Variants in VPS13B observed in about 807,000 individuals in gnomAD.
VPS13B encodes vacuolar protein sorting 13 homolog B.
A neutral mutation model predicts 426.4 loss-of-function variants in VPS13B; 285 were observed. The ratio of observed to expected loss-of-function variants is 0.67; its 90% confidence interval spans 0.61 to 0.74. The LOEUF (loss-of-function observed/expected upper bound fraction) is 0.74, where lower values mean the gene tolerates loss of function less well. Among genes scored for constraint, VPS13B ranks in the 30% least tolerant of loss-of-function variants. The pLI is 0.00. For missense variants in VPS13B, 4,537 were observed against 4,782.6 expected (o/e 0.95, Z 1.51); for synonymous variants, 1,676 against 1,676.4 (o/e 1.00, Z 0.01).
At chr8:99,875,043 A>C (rs1817626608) in intron 61 of VPS13B, 1 of 319,874 alleles carries the variant, frequency 3.1e-6, no homozygotes, top group African/African-American at 2.2e-5. Flanking sequence ...TTAATGTTGA[A>C]TAGATGATTT....
intron 30 of VPS13B, among the ~76,000 whole-genome samples, chr8:99,550,372 T>G (rs1304551591): frequency 6.6e-6 from 1 of 151,274 alleles, no homozygotes; most frequent in East Asian, 1.9e-4. Context: ...AGAAATATCT[T>G]CTAGGGACAG....
At chr8:99,255,590 T>A (rs1244890846) in intron 17 of VPS13B, among the ~76,000 whole-genome samples, 1 of 152,166 alleles carries the variant, frequency 6.6e-6, no homozygotes, top group Non-Finnish European at 1.5e-5. Flanking sequence ...AAATCCAGGT[T>A]TTCCACTTGG....
chr8:99,484,680 T>A lies in VPS13B; in HGVS notation c.3870+2878T>A, dbSNP rs1416027663. Among the ~76,000 whole-genome samples, 3 of 152,078 alleles carry A rather than the reference T, an allele frequency of 2.0e-5. No individual in the cohort carries two copies. In the East Asian group the frequency reaches 5.8e-4, roughly 29 times the overall value. On this transcript the variant is annotated intron_variant, in intron 25 of 61. Coordinates refer to ENST00000357162, the MANE Select transcript of VPS13B (RefSeq NM_152564.5). Reference sequence around the variant, plus strand: ...TAAACCCAGATGCACACATAGTTAATCTTAATCTACCTGTAAATATTTTTT... The same window carrying A: ...TAAACCCAGATGCACACATAGTTAAACTTAATCTACCTGTAAATATTTTTT...
chr8:99,090,269 T>G, intron 3 of VPS13B, among the ~76,000 whole-genome samples: 1 of 142,028 alleles, frequency 7.0e-6, no homozygotes, highest in East Asian at 2.0e-4. Context: ...ATCATAAACT[T>G]TTTTTTTTTT....
At chr8:99,052,639 C>A (rs940983783) in intron 3 of VPS13B, among the ~76,000 whole-genome samples, 1 of 149,696 alleles carries the variant, frequency 6.7e-6, no homozygotes, top group African/African-American at 2.5e-5. Context: ...TGGTAGAATT[C>A]GGCCGTGAAT....
Position 99,275,219 on chromosome 8 carries a change from A to T in VPS13B, c.2789A>T (p.Gln930Leu). 1 of 1,612,766 alleles carries T rather than the reference A, an allele frequency of 6.2e-7. No homozygotes were observed. The highest frequency in any genetic ancestry group is 1.1e-5 in the South Asian group (1 of 90,982). The change falls in exon 19 of 62, where the codon CAA (glutamine) becomes CTA (leucine). Residue 930 changes from glutamine (Q) to leucine (L), a missense_variant. This residue lies in a region of VPS13B where 4,311 missense variants were observed against 4,474.3 expected (regional missense o/e 0.96). Transcript: ENST00000357162. ...CCAGATTTGATGGCCTTCACAATCC[A>T]AGTTCCACAATATATTGACTACTGC... ...LAPDLMAFTI[Q>L]VPQYIDYCHN...
At chr8:99,050,302 G>A (rs1843465138) in intron 3 of VPS13B, among the ~76,000 whole-genome samples, 1 of 151,652 alleles carries the variant, frequency 6.6e-6, no homozygotes, top group African/African-American at 2.4e-5. Context: ...TTTTGTCCTT[G>A]AGATAGTTTG....
At chr8:99,256,335 A>G (rs1383000823) in intron 17 of VPS13B, among the ~76,000 whole-genome samples, 1 of 152,116 alleles carries the variant, frequency 6.6e-6, no homozygotes, top group Non-Finnish European at 1.5e-5. Flanking sequence ...TGTTCTAGCT[A>G]TTATAAATAG....
Position 99,467,652 on chromosome 8 carries a change from A to G in VPS13B, c.3666+18A>G. On this transcript the variant is annotated intron_variant, in intron 24 of 61. Coordinates refer to ENST00000357162, the MANE Select transcript of VPS13B (RefSeq NM_152564.5). ...ATCCCCAGGTTGGTACATTTGATTT[A>G]TGAAAGGAAATTTAAAGTAATGTGA... is the stretch of plus-strand genomic sequence containing the variant. 4.3e-6 allele frequency: 7 copies of G among 1,610,372 alleles called. No individual in the cohort carries two copies. Among genetic ancestry groups the G allele is most frequent in the Non-Finnish European group, 5.1e-6 (6 of 1,176,924 alleles).
intron 43 of VPS13B, among the ~76,000 whole-genome samples, chr8:99,807,981 A>G (rs1813490916): frequency 6.6e-6 from 1 of 151,848 alleles, no homozygotes; most frequent in Non-Finnish European, 1.5e-5. Flanking sequence ...CTAAGGCTGA[A>G]ACTAAAAACT....
chr8:99,872,221 A>G (rs1321770849), intron 61 of VPS13B, among the ~76,000 whole-genome samples: 1 of 152,180 alleles, frequency 6.6e-6, no homozygotes, highest in Non-Finnish European at 1.5e-5. Flanking sequence ...ATGCAGAAGC[A>G]AGGGGCATCA....
intron 35 of VPS13B, chr8:99,697,340 G>T: frequency 5.2e-6 from 3 of 574,472 alleles, no homozygotes; most frequent in Admixed American, 6.1e-5. Context: ...CCCCTCGAAG[G>T]CCAGGGGCCT....
intron 5 of VPS13B, 39 bp from the exon 6 acceptor site, chr8:99,111,059 A>G (rs750992434): frequency 6.4e-7 from 1 of 1,555,494 alleles, no homozygotes; most frequent in South Asian, 1.2e-5. Context: ...TCCCCTGCTA[A>G]TTTTCCTTTT....
intron 41 of VPS13B, among the ~76,000 whole-genome samples, chr8:99,778,103 G>C (rs554409541): frequency 1.3e-5 from 2 of 151,956 alleles, no homozygotes; most frequent in South Asian, 4.2e-4. Context: ...GTGGTGGCAG[G>C]TGCCTGTAAT....
At chr8:99,013,680 A>T in intron 1 of VPS13B, 80 bp from the exon 2 acceptor site, 2 of 1,376,786 alleles carry the variant, frequency 1.5e-6, no homozygotes, top group Non-Finnish European at 1.0e-6. Flanking sequence ...GTGGGGACTT[A>T]CTGCTTTCGG....
intron 43 of VPS13B, among the ~76,000 whole-genome samples, chr8:99,789,774 T>C (rs1812454302): frequency 1.3e-5 from 2 of 152,110 alleles, no homozygotes; most frequent in Admixed American, 6.6e-5. Context: ...TATCATATCA[T>C]ATCATATAAG....
intron 17 of VPS13B, among the ~76,000 whole-genome samples, chr8:99,209,965 ATG>A (rs1814982588): frequency 6.6e-6 from 1 of 152,176 alleles, no homozygotes; most frequent in South Asian, 2.1e-4. Flanking sequence ...TAATACCCAT[ATG>A]TGTCACTATA....
At chr8:99,844,454 G>A (rs1815873998) in intron 54 of VPS13B, among the ~76,000 whole-genome samples, 1 of 147,854 alleles carries the variant, frequency 6.8e-6, no homozygotes, top group South Asian at 2.1e-4. Flanking sequence ...TGCAACCTCC[G>A]CCTCCCGGGT....
At chr8:99,605,244 G>A (rs887422213) in intron 33 of VPS13B, among the ~76,000 whole-genome samples, 29 of 152,156 alleles carry the variant, frequency 1.9e-4, no homozygotes, top group African/African-American at 6.5e-4. Context: ...AGATGAGTTG[G>A]AGCAACTAGG....
Sources: gnomAD v4.1 joint callset for allele counts (sites outside exome capture counted in the v4.1 genomes callset) on GRCh38, gnomAD v4.1.1 for gene constraint, gnomAD v4.1.1 regional missense constraint, MANE v1.5 for transcripts, NCBI Gene and HGNC (gene_info 2026-07-23, HGNC 2026-07-21) for gene names.